Variants in LHFPL6 observed in about 807,000 individuals in gnomAD.
LHFPL6 encodes LHFPL tetraspan subfamily member 6.
A neutral mutation model predicts 20.6 loss-of-function variants in LHFPL6; 9 were observed. The observed-to-expected ratio is 0.44, with a 90% CI of 0.26 to 0.76. The LOEUF is 0.76. LHFPL6 is among the 30% of genes least tolerant of loss of function. LHFPL6 has a pLI of 0.20. For synonymous variants in LHFPL6, 105 were observed against 98.7 expected (o/e 1.06, Z -0.38); for missense variants, 218 against 253.5 (o/e 0.86, Z 0.95).
At chr13:39,450,561 C>G (rs761360569) in intron 2 of LHFPL6, among the ~76,000 whole-genome samples, 2 of 151,976 alleles carry the variant, frequency 1.3e-5, no homozygotes, top group African/African-American at 2.4e-5. Flanking sequence ...ATCTGTGTCT[C>G]TCTCTATCTA....
chr13:39,484,085 T>C (rs1868630252), intron 2 of LHFPL6, among the ~76,000 whole-genome samples: 1 of 152,176 alleles, frequency 6.6e-6, no homozygotes, highest in Non-Finnish European at 1.5e-5. Flanking sequence ...TGTGATTCCA[T>C]CCAGATCTGT....
At chr13:39,455,845 A>G (rs927876447) in intron 2 of LHFPL6, among the ~76,000 whole-genome samples, 1 of 152,218 alleles carries the variant, frequency 6.6e-6, no homozygotes, top group Non-Finnish European at 1.5e-5. Context: ...TACATGAACA[A>G]AACACATAAG....
chr13:39,440,369 C>T lies in LHFPL6; in HGVS notation c.386-61843G>A, dbSNP rs545053015. 2.6e-5 allele frequency among the ~76,000 whole-genome samples: 4 copies of T among 152,148 alleles called. No homozygotes were observed. In the South Asian group the frequency reaches 8.3e-4, roughly 32 times the overall value. On this transcript the variant is annotated intron_variant, in intron 2 of 3. Transcript: ENST00000379589. ...GCAGGTCAGGTGTGGTAGCTTATGC[C>T]AGTAATTTAAGCCCTCTGGGAGGCC...
intron 2 of LHFPL6, among the ~76,000 whole-genome samples, chr13:39,450,558 T>TC (rs1872414363): frequency 6.6e-6 from 1 of 152,020 alleles, no homozygotes; most frequent in Non-Finnish European, 1.5e-5. Context: ...GATATCTGTG[T>TC]CTCTCTCTAT....
chr13:39,489,382 A>G (rs2138452198), intron 2 of LHFPL6, among the ~76,000 whole-genome samples: 1 of 152,194 alleles, frequency 6.6e-6, no homozygotes, highest in East Asian at 1.9e-4. Context: ...GCTTCCTTGG[A>G]CAAGGTCTAT....
intron 2 of LHFPL6, among the ~76,000 whole-genome samples, chr13:39,531,233 T>C (rs1254171692): frequency 6.6e-6 from 1 of 152,190 alleles, no homozygotes; most frequent in Non-Finnish European, 1.5e-5. Flanking sequence ...CCTAGTGACA[T>C]GACTATTAGG....
intron 2 of LHFPL6, among the ~76,000 whole-genome samples, chr13:39,504,243 A>C (rs1352956698): frequency 2.0e-5 from 3 of 152,202 alleles, no homozygotes; most frequent in Admixed American, 2.0e-4. Flanking sequence ...AATGGGAAGG[A>C]CTGGTATTAT....
chr13:39,437,985 C>A (rs920793828), intron 2 of LHFPL6, among the ~76,000 whole-genome samples: 3 of 151,608 alleles, frequency 2.0e-5, no homozygotes, highest in Non-Finnish European at 4.4e-5. Flanking sequence ...AAATGTGGAA[C>A]TGGGAAACAG....
intron 2 of LHFPL6, among the ~76,000 whole-genome samples, chr13:39,508,354 C>A (rs1869564854): frequency 1.3e-5 from 2 of 152,132 alleles, no homozygotes; most frequent in Admixed American, 1.3e-4. Context: ...ATTAACATAC[C>A]TGAAGTACAC....
At position 39,494,281 on chromosome 13, in the gene LHFPL6, T is replaced by C. The variant is rs558403075; in HGVS notation, c.385+106551A>G. ...TAGTCGCAGCTCTTAGCGCTGCCCA[T>C]AAGGAAGGCACTGTGCTAAGCAGTT... On this transcript the variant is annotated intron_variant, in intron 2 of 3. Coordinates refer to ENST00000379589, the MANE Select transcript of LHFPL6 (RefSeq NM_005780.3). Among the ~76,000 whole-genome samples the C allele has an allele frequency of 2.6e-5, 4 of 152,342 alleles. No homozygotes were observed. In the South Asian group the frequency reaches 8.3e-4, roughly 32 times the overall value.
intron 2 of LHFPL6, among the ~76,000 whole-genome samples, chr13:39,399,007 T>C (rs145183445): frequency 6.6e-6 from 1 of 152,332 alleles, no homozygotes; most frequent in African/African-American, 2.4e-5. Flanking sequence ...AGAGTACGTT[T>C]CATAATCATT....
At chr13:39,366,045 A>G (rs1265269259) in intron 3 of LHFPL6, among the ~76,000 whole-genome samples, 1 of 152,234 alleles carries the variant, frequency 6.6e-6, no homozygotes, top group East Asian at 1.9e-4. Flanking sequence ...CTCACATCCC[A>G]GAAACCAAAG....
At chr13:39,353,050 G>A (rs1312270518) in intron 3 of LHFPL6, among the ~76,000 whole-genome samples, 6 of 145,034 alleles carry the variant, frequency 4.1e-5, no homozygotes, top group African/African-American at 5.2e-5. Flanking sequence ...GTGCAATGGC[G>A]CTCACTGCAA....
At chr13:39,417,611 A>T (rs1871380155) in intron 2 of LHFPL6, among the ~76,000 whole-genome samples, 1 of 152,154 alleles carries the variant, frequency 6.6e-6, no homozygotes, top group African/African-American at 2.4e-5. Flanking sequence ...TCATTAGCTG[A>T]ATTAACCATT....
At chr13:39,570,293 A>G (rs1566144348) in intron 2 of LHFPL6, among the ~76,000 whole-genome samples, 1 of 152,146 alleles carries the variant, frequency 6.6e-6, no homozygotes, top group Non-Finnish European at 1.5e-5. Flanking sequence ...GAAGTGAGCC[A>G]TCACTTTAAA....
Position 39,601,193 on chromosome 13 carries a change from A to C in LHFPL6, c.24T>G (p.Thr8=), listed in dbSNP as rs557690730. The part of the protein sequence containing the change: MASSLTC[T]GVIWALLSFL... ...AAGACAGCAAAGCCCAGATTACTCC[A>C]GTACAAGTCAGGCTGGATGCCATCT... The change falls in exon 2 of 4, where the codon ACT becomes ACG. Residue 8 remains threonine, a synonymous_variant. Coordinates refer to ENST00000379589, the MANE Select transcript of LHFPL6 (RefSeq NM_005780.3). The C allele has an allele frequency of 6.2e-7, 1 of 1,612,412 alleles. No individual in the cohort carries two copies. The highest frequency in any genetic ancestry group is 1.3e-5 in the African/African-American group (1 of 74,902).
At chr13:39,546,226 C>T (rs1033771673) in intron 2 of LHFPL6, among the ~76,000 whole-genome samples, 6 of 152,154 alleles carry the variant, frequency 3.9e-5, no homozygotes, top group East Asian at 1.9e-4. Flanking sequence ...GCTAGTAATA[C>T]ACACCTAACT....
At chr13:39,573,398 T>A (rs780411787) in intron 2 of LHFPL6, among the ~76,000 whole-genome samples, 1 of 152,208 alleles carries the variant, frequency 6.6e-6, no homozygotes, top group Non-Finnish European at 1.5e-5. Flanking sequence ...TGGAGTTTGT[T>A]CTGGGACCAG....
At chr13:39,433,613 T>C (rs1232697703) in intron 2 of LHFPL6, among the ~76,000 whole-genome samples, 1 of 152,160 alleles carries the variant, frequency 6.6e-6, no homozygotes, top group Admixed American at 6.5e-5. Flanking sequence ...AGTGTCAATC[T>C]GATATTCAGT....
Sources: allele counts gnomAD v4.1 joint callset (sites outside exome capture counted in the v4.1 genomes callset), GRCh38; gene constraint gnomAD v4.1.1; transcripts MANE v1.5; gene names NCBI Gene and HGNC (gene_info 2026-07-23, HGNC 2026-07-21).